Variants in EDNRA observed in about 807,000 individuals in gnomAD.
EDNRA encodes endothelin-1 receptor.
EDNRA carries 11 observed loss-of-function variants against 41.4 expected under a neutral mutation model. The ratio of observed to expected loss-of-function variants is 0.27; its 90% CI spans 0.17 to 0.44. The LOEUF (loss-of-function observed/expected upper bound fraction) is 0.44, where lower values mean the gene tolerates loss of function less well. EDNRA is among the 20% of genes least tolerant of loss of function. The pLI is 1.00. For synonymous variants in EDNRA, 172 were observed against 183.0 expected, an observed-to-expected ratio of 0.94 and a Z score of 0.49; for missense variants, 294 against 531.0, an observed-to-expected ratio of 0.55 and a Z score of 4.39.
At chr4:147,503,336 C>T (rs1048899837) in intron 2 of EDNRA, among the ~76,000 whole-genome samples, 15 of 151,940 alleles carry the variant, frequency 9.9e-5, no homozygotes, top group Admixed American at 7.9e-4. Context: ...TTGTCCTGAG[C>T]GAGCTAAGTG....
intron 3 of EDNRA, among the ~76,000 whole-genome samples, chr4:147,528,472 C>T (rs1239774151): frequency 6.6e-6 from 1 of 151,592 alleles, no homozygotes; most frequent in Non-Finnish European, 1.5e-5. Flanking sequence ...GATCCTCCCA[C>T]CCCAGCCTCC....
In EDNRA at chr4:147,486,497, T is replaced by A. The variant is rs914788576; in HGVS notation, c.420+396T>A. ...AAACAAACATATCCTTGAGTTTAGT[T>A]ACCGTTGAATATGATGCTGTTCAGA... On this transcript the variant is annotated intron_variant, in intron 2 of 7. Transcript: ENST00000651419. The surrounding 1 kb of genome is among the most constrained non-coding windows in gnomAD (Gnocchi z 4.3). Among the ~76,000 whole-genome samples, 3 of 152,216 alleles carry A rather than the reference T, an allele frequency of 2.0e-5. No individual in the cohort carries two copies. Among genetic ancestry groups the A allele is most frequent in the African/African-American group, 7.2e-5 (3 of 41,456 alleles).
chr4:147,517,910 C>G (rs1252964455), intron 2 of EDNRA, among the ~76,000 whole-genome samples: 1 of 152,098 alleles, frequency 6.6e-6, no homozygotes, highest in Admixed American at 6.5e-5. Flanking sequence ...TTTCTTAGCA[C>G]TTGCCACTGA....
intron 2 of EDNRA, among the ~76,000 whole-genome samples, chr4:147,499,869 A>G (rs887131225): frequency 2.9e-5 from 4 of 137,740 alleles, no homozygotes; most frequent in African/African-American, 8.7e-5. Flanking sequence ...CAGTAATGCA[A>G]TCTTGGCTTG....
intron 2 of EDNRA, among the ~76,000 whole-genome samples, chr4:147,499,160 A>G (rs1000422280): frequency 3.9e-5 from 6 of 152,100 alleles, no homozygotes; most frequent in Non-Finnish European, 7.4e-5. Flanking sequence ...AGCCCAAGCA[A>G]TCCTCCCACC....
intron 2 of EDNRA, chr4:147,506,142 G>C: frequency 1.3e-5 from 7 of 528,074 alleles, no homozygotes; most frequent in Non-Finnish European, 2.7e-5. Flanking sequence ...AAGAGGTGAA[G>C]TTGGGAAACT....
At chr4:147,521,424 G>C (rs1730318583) in intron 3 of EDNRA, among the ~76,000 whole-genome samples, 1 of 152,032 alleles carries the variant, frequency 6.6e-6, no homozygotes, top group Admixed American at 6.5e-5. Context: ...CATTATATTA[G>C]ATGTTAAAGG....
chr4:147,503,985 C>T (rs10011966), intron 2 of EDNRA, among the ~76,000 whole-genome samples: 1 of 151,774 alleles, frequency 6.6e-6, no homozygotes, highest in Non-Finnish European at 1.5e-5. Flanking sequence ...TTATTTAGTG[C>T]GAAAAAATGG....
At chr4:147,523,731 C>T (rs28551143) in intron 3 of EDNRA, among the ~76,000 whole-genome samples, 3,026 of 151,986 alleles carry the variant, frequency 0.02, 96 homozygotes, top group African/African-American at 0.07. Context: ...ATCTCGTGAT[C>T]CACCCGCCTC....
At chr4:147,524,634 C>T (rs1730467896) in intron 3 of EDNRA, among the ~76,000 whole-genome samples, 1 of 150,378 alleles carries the variant, frequency 6.6e-6, no homozygotes, top group Non-Finnish European at 1.5e-5. Flanking sequence ...TAAAATTCCA[C>T]TCTCACAAAA....
At chr4:147,535,028 T>G (rs1356180387) in intron 4 of EDNRA, among the ~76,000 whole-genome samples, 3 of 152,238 alleles carry the variant, frequency 2.0e-5, no homozygotes, top group Non-Finnish European at 2.9e-5. Context: ...CTGTGGGAAC[T>G]GCATTGTCCT....
In EDNRA at chr4:147,509,737, C is replaced by A. The variant is rs562014115; in HGVS notation, c.421-10114C>A. Among the ~76,000 whole-genome samples the A allele has an allele frequency of 5.9e-5, 9 of 151,940 alleles. No individual in the cohort carries two copies. The South Asian group carries it at 1.9e-3, about 32-fold the overall frequency. On this transcript the variant is annotated intron_variant, in intron 2 of 7. Transcript: ENST00000651419. ...TTGTGCATTCCTTATGAGAATCTAA[C>A]GCCTAATGATCTGTCACTGTCTCCC...
chr4:147,522,024 C>T (rs192854316), intron 3 of EDNRA, among the ~76,000 whole-genome samples: 38 of 152,116 alleles, frequency 2.5e-4, no homozygotes, highest in Admixed American at 5.9e-4. Flanking sequence ...TGGGAAAACT[C>T]GACTCAGGTG....
intron 4 of EDNRA, among the ~76,000 whole-genome samples, chr4:147,532,989 GTGTGTGTGTGTGTGTA>G (rs1560916606): frequency 1.6e-5 from 2 of 125,248 alleles, no homozygotes; most frequent in African/African-American, 8.2e-5. Context: ...GACTAGATGT[GTGTGTGTGTGTGTGTA>G]TGTGTGTGTG....
chr4:147,522,046 A>G (rs1056027300), intron 3 of EDNRA, among the ~76,000 whole-genome samples: 1 of 152,214 alleles, frequency 6.6e-6, no homozygotes, highest in Non-Finnish European at 1.5e-5. Flanking sequence ...TGGAATACAC[A>G]AGAATGTATT....
At chr4:147,506,306 A>G (rs960753615) in intron 2 of EDNRA, 1 of 454,704 alleles carries the variant, frequency 2.2e-6, no homozygotes, top group African/African-American at 2.0e-5. Flanking sequence ...ATATATGAAC[A>G]ATATTTACTG....
intron 2 of EDNRA, among the ~76,000 whole-genome samples, chr4:147,510,045 A>C (rs759989917): frequency 2.0e-5 from 3 of 152,142 alleles, no homozygotes; most frequent in African/African-American, 4.8e-5. Flanking sequence ...CAAGTGTAAA[A>C]TGCTATAATT....
At chr4:147,537,607 G>A (rs1382614993) in intron 5 of EDNRA, among the ~76,000 whole-genome samples, 1 of 123,534 alleles carries the variant, frequency 8.1e-6, no homozygotes, top group Non-Finnish European at 1.6e-5. Flanking sequence ...ATTTAATTGT[G>A]GAAAGAAATA....
At chr4:147,509,702 G>A (rs147906337) in intron 2 of EDNRA, among the ~76,000 whole-genome samples, 103 of 152,024 alleles carry the variant, frequency 6.8e-4, no homozygotes, top group Non-Finnish European at 1.1e-3. Flanking sequence ...GCACACACAA[G>A]GGATCTAGAT....
Sources: gnomAD v4.1 joint callset for allele counts (sites outside exome capture counted in the v4.1 genomes callset) on GRCh38, gnomAD v4.1.1 for gene constraint, Gnocchi (gnomAD v3.1) non-coding constraint, MANE v1.5 for transcripts, NCBI Gene and HGNC (gene_info 2026-07-23, HGNC 2026-07-21) for gene names.